RUNDC1: variants seen among roughly 807,000 people sequenced by gnomAD.
RUNDC1 encodes RUN domain-containing protein 1.
A neutral mutation model predicts 49.3 loss-of-function variants in RUNDC1; 31 were observed. The ratio of observed to expected loss-of-function variants is 0.63; its 90% CI spans 0.47 to 0.85. The LOEUF is 0.85. RUNDC1 is among the 40% of genes least tolerant of loss of function. RUNDC1 has a pLI of 0.00. For missense variants in RUNDC1, 715 were observed against 806.7 expected, an observed-to-expected ratio of 0.89 and a Z score of 1.38; for synonymous variants, 347 against 348.6, an observed-to-expected ratio of 1.00 and a Z score of 0.05.
intron 4 of RUNDC1, 68 bp from the exon 5 acceptor site, chr17:42,990,783 T>C: frequency 6.6e-7 from 1 of 1,504,566 alleles, no homozygotes; most frequent in Non-Finnish European, 8.9e-7. Flanking sequence ...TCTCAGCCTG[T>C]GATTTGTTGA....
chr17:42,990,494 G>A (rs2050224526), intron 4 of RUNDC1, 58 bp downstream of exon 4: 1 of 1,571,152 alleles, frequency 6.4e-7, no homozygotes, highest in Non-Finnish European at 8.7e-7. Context: ...ATGAGTGGTT[G>A]CCTAGGGCTT....
At chr17:42,989,689 C>A in intron 3 of RUNDC1, 150 bp downstream of exon 3, 1 of 739,628 alleles carries the variant, frequency 1.4e-6, no homozygotes, top group Non-Finnish European at 2.2e-6. Flanking sequence ...GGCTGGAGTG[C>A]AGTGGCACAA....
At chr17:42,983,267 G>T (rs934082294) in intron 1 of RUNDC1, among the ~76,000 whole-genome samples, 1 of 146,066 alleles carries the variant, frequency 6.8e-6, no homozygotes, top group African/African-American at 2.5e-5. Flanking sequence ...TTGTAATCTT[G>T]TATTTATACA....
chr17:42,989,849 G>A (rs1263036621), intron 3 of RUNDC1, among the ~76,000 whole-genome samples: 2 of 152,006 alleles, frequency 1.3e-5, no homozygotes, highest in Non-Finnish European at 2.9e-5. Flanking sequence ...TGGCCAGGCT[G>A]GTCTCGTACT....
In RUNDC1 at chr17:42,980,613, G is replaced by A. The variant is rs754479522; in HGVS notation, c.37G>A (p.Val13Met). 149 of 1,609,390 alleles carry A rather than the reference G, an allele frequency of 9.3e-5. 5 individuals are homozygous for A. The South Asian group carries it at 1.2e-3, about 13-fold the overall frequency. Residue 13 changes from valine (V) to methionine (M), a missense_variant, in exon 1 of 5, where the codon GTG (valine) becomes ATG (methionine). This residue lies in a region of RUNDC1 where 153 missense variants were observed against 139.4 expected (regional missense o/e 1.10). Transcript: ENST00000361677. ...AVEAAAEPVT[V>M]VAAVGPKAKD... is the part of the protein sequence containing the mutation. ...CGAAGCGGCTGCAGAGCCGGTAACG[G>A]TGGTGGCGGCTGTTGGGCCAAAGGC...
rs542521733 is a variant in RUNDC1 at position 42,991,752 on chromosome 17, A to G, written c.*36A>G. ...CTAACCCCAGACAAGCTCCTTGTTC[A>G]GTAGGGATAGATGTGCTAGTCTTCT... is the stretch of plus-strand genomic sequence containing the variant. On this transcript the variant is annotated 3_prime_UTR_variant, in exon 5 of 5. Coordinates refer to ENST00000361677, the MANE Select transcript of RUNDC1 (RefSeq NM_173079.5). 1.9e-6 allele frequency: 3 copies of G among 1,577,180 alleles called. No individual in the cohort carries two copies. Among genetic ancestry groups the G allele is most frequent in the Admixed American group, 1.7e-5 (1 of 57,688 alleles).
Position 42,992,041 on chromosome 17 carries a change from C to A in RUNDC1, c.*325C>A. On this transcript the variant is annotated 3_prime_UTR_variant, in exon 5 of 5. Coordinates refer to ENST00000361677, the MANE Select transcript of RUNDC1 (RefSeq NM_173079.5). ...CATCCTGTCTAACACGGTGAAACCC[C>A]ATCTCTACTAAAAATACAAAAAAAT... 4.2e-6 allele frequency: 1 copy of A among 236,216 alleles called. No individual in the cohort carries two copies. The highest frequency in any genetic ancestry group is 8.4e-6 in the Non-Finnish European group (1 of 118,998). The allele number at this position is 236,216 out of a possible 1,614,324, so 14.6% of individuals were successfully genotyped here.
In RUNDC1 at chr17:42,991,078, C is replaced by T; in HGVS notation, c.1204C>T (p.His402Tyr). The T allele has an allele frequency of 1.9e-6, 3 of 1,614,162 alleles. No individual in the cohort carries two copies. The highest frequency in any genetic ancestry group is 2.2e-5 in the South Asian group (2 of 91,084). The change falls in exon 5 of 5, where the codon CAT becomes TAT. Residue 402 changes from histidine (H) to tyrosine (Y), a missense_variant. Coordinates refer to ENST00000361677, the MANE Select transcript of RUNDC1 (RefSeq NM_173079.5). Reference protein sequence around the residue: ...VKQLALRQQPHDHVITSANLQ... With the variant: ...VKQLALRQQPYDHVITSANLQ... ...GCAGCTAGCCTTGAGGCAGCAGCCA[C>T]ATGACCATGTCATCACCTCTGCCAA...
At position 42,980,763 on chromosome 17, in the gene RUNDC1, G is replaced by T; in HGVS notation, c.187G>T (p.Glu63Ter). The change falls in exon 1 of 5, where the codon GAG becomes TAG. Residue 63 changes from glutamate to a stop codon, truncating the protein, a stop_gained. Transcript: ENST00000361677. LOFTEE classifies it high-confidence loss of function. ...CGCGTTTTTAGAAGAGGCGACGGCC[G>T]AGGAGCCTGGCGCGGCCCCGGGCTC... The part of the protein sequence containing the change: ...ATAFLEEATA[E>*]EPGAAPGSPP... The T allele has an allele frequency of 6.7e-7, 1 of 1,499,534 alleles. No individual in the cohort carries two copies. The allele number at this position is 1,499,534 out of a possible 1,614,324, so 92.9% of individuals were successfully genotyped here. A position where few individuals can be genotyped will look rare whatever the true frequency, so the allele number is the denominator to read the frequency against.
In RUNDC1 at chr17:42,982,624, C is replaced by A. The variant is rs146612212; in HGVS notation, c.498+1550C>A. On this transcript the variant is annotated intron_variant, in intron 1 of 4. Coordinates refer to ENST00000361677, the MANE Select transcript of RUNDC1 (RefSeq NM_173079.5). ...TGATGTGATTATGACACATTGCATG[C>A]CTGTAGCAACATTTCATGTACCCCA... Among the ~76,000 whole-genome samples the A allele has an allele frequency of 4.7e-4, 72 of 152,224 alleles. No individual in the cohort carries two copies. In the East Asian group the frequency reaches 0.013, roughly 28 times the overall value.
intron 4 of RUNDC1, 153 bp from the exon 5 acceptor site, chr17:42,990,698 C>A: frequency 2.4e-6 from 1 of 412,290 alleles, no homozygotes; most frequent in Non-Finnish European, 3.3e-6. Flanking sequence ...CTATTATTAA[C>A]CAGAAAAAGG....
rs1236147947 is a variant in RUNDC1 at position 42,980,818 on chromosome 17, G to T, written c.242G>T (p.Arg81Leu). The change falls in exon 1 of 5, where the codon CGG (arginine) becomes CTG (leucine). Residue 81 changes from arginine (R) to leucine (L), a missense_variant. Arg to Leu is a moderately radical substitution (Grantham distance 102). Coordinates refer to ENST00000361677, the MANE Select transcript of RUNDC1 (RefSeq NM_173079.5). Reference sequence around the variant, plus strand: ...CCGGATTCGCCGGGCCGGACGCTGCGGCGGCTGCGGGCAGAGCGGCGGCGG... The same window carrying T: ...CCGGATTCGCCGGGCCGGACGCTGCTGCGGCTGCGGGCAGAGCGGCGGCGG... ...SPPDSPGRTLRRLRAERRRLD... is the reference protein window; with the variant it reads ...SPPDSPGRTLLRLRAERRRLD... 1.5e-6 allele frequency: 2 copies of T among 1,369,126 alleles called. No individual in the cohort carries two copies. The highest frequency in any genetic ancestry group is 1.9e-6 in the Non-Finnish European group (2 of 1,072,354). The allele number at this position is 1,369,126 out of a possible 1,614,324, so 84.8% of individuals were successfully genotyped here.
In RUNDC1 at chr17:42,980,909, G is replaced by C. The variant is rs1345554458; in HGVS notation, c.333G>C (p.Val111=). The change falls in exon 1 of 5, where the codon GTG becomes GTC. Residue 111 remains valine (V), a synonymous_variant. Transcript: ENST00000361677. Reference sequence around the variant, plus strand: ...AGGTGCAGTTCCGCCTGCGCCAGGTGGTGCGCGGGGCGCCGGCGGAGCAGC... The same window carrying C: ...AGGTGCAGTTCCGCCTGCGCCAGGTCGTGCGCGGGGCGCCGGCGGAGCAGC... ...FAQVQFRLRQ[V]VRGAPAEQQR... 2 of 1,529,936 alleles carry C rather than the reference G, an allele frequency of 1.3e-6. No homozygotes were observed. Among genetic ancestry groups the C allele is most frequent in the Admixed American group, 3.9e-5 (2 of 50,876 alleles). 94.8% of individuals were successfully genotyped at this position (1,529,936 alleles called of 1,614,324 possible). A position where few individuals can be genotyped will look rare whatever the true frequency, so the allele number is the denominator to read the frequency against.
At position 42,981,070 on chromosome 17, in the gene RUNDC1, AC is replaced by A; in HGVS notation, c.496del (p.Gln166ArgfsTer20). On this transcript the variant is annotated frameshift_variant, in exon 1 of 5. Transcript: ENST00000361677. LOFTEE classifies it high-confidence loss of function. ...GACCGGCCATGGTTGCGGGGCGAGG[AC>A]CAGGTGAGTGGCTGGAGCCGGGCCG... ...PGDRPWLRGE[D>X]QSEQEKQERL... 6.4e-7 allele frequency: 1 copy of A among 1,564,816 alleles called. No individual in the cohort carries two copies. The highest frequency in any genetic ancestry group is 8.6e-7 in the Non-Finnish European group (1 of 1,163,396).
At position 42,983,358 on chromosome 17, in the gene RUNDC1, C is replaced by G. The variant is rs577797381; in HGVS notation, c.498+2284C>G. Among the ~76,000 whole-genome samples, 4 of 145,242 alleles carry G rather than the reference C, an allele frequency of 2.8e-5. No homozygotes were observed. In the South Asian group the frequency reaches 8.7e-4, roughly 32 times the overall value. On this transcript the variant is annotated intron_variant, in intron 1 of 4. Transcript: ENST00000361677. ...GAATGATTTACTTCTTACCACTTAC[C>G]TTTTTTTTTCTTTTTCCTTTTTTTT...
rs1403317659 is a variant in RUNDC1 at position 42,980,612 on chromosome 17, G to C, written c.36G>C (p.Thr12=). ...TCGAAGCGGCTGCAGAGCCGGTAAC[G>C]GTGGTGGCGGCTGTTGGGCCAAAGG... The part of the protein sequence containing the change: ...AAVEAAAEPV[T]VVAAVGPKAK... Residue 12 remains threonine, a synonymous_variant, in exon 1 of 5, where the codon ACG becomes ACC. Transcript: ENST00000361677. The C allele has an allele frequency of 6.2e-7, 1 of 1,609,192 alleles. No homozygotes were observed.
At chr17:42,985,766 A>G (rs1209643309) in intron 1 of RUNDC1, 14 of 785,544 alleles carry the variant, frequency 1.8e-5, no homozygotes, top group Non-Finnish European at 2.2e-5. Context: ...TTGAGACTCA[A>G]GAAAGACAAG....
rs200042329 is a variant in RUNDC1, at chr17:42,991,273, C to T, written c.1399C>T (p.Pro467Ser). Residue 467 changes from proline to serine, a missense_variant, in exon 5 of 5, where the codon CCA (proline) becomes TCA (serine). By Grantham distance (74) the Pro-to-Ser change is moderately conservative. Coordinates refer to ENST00000361677, the MANE Select transcript of RUNDC1 (RefSeq NM_173079.5). Reference protein sequence around the residue: ...ACLLPAFSSAPEAMHPWELFV... With the variant: ...ACLLPAFSSASEAMHPWELFV... ...TTTGCTGCCAGCCTTCTCCTCGGCC[C>T]CAGAGGCCATGCACCCGTGGGAGCT... is the stretch of plus-strand genomic sequence containing the variant. 5 of 1,614,212 alleles carry T rather than the reference C, an allele frequency of 3.1e-6. No homozygotes were observed. Among genetic ancestry groups the T allele is most frequent in the Non-Finnish European group, 4.2e-6 (5 of 1,180,042 alleles).
chr17:42,984,145 T>C (rs1360548243), intron 1 of RUNDC1, among the ~76,000 whole-genome samples: 1 of 151,750 alleles, frequency 6.6e-6, no homozygotes, highest in Non-Finnish European at 1.5e-5. Context: ...AATTAAAAAA[T>C]ATATTTTTTC....
Sources: allele counts gnomAD v4.1 joint callset (sites outside exome capture counted in the v4.1 genomes callset), GRCh38; gene constraint gnomAD v4.1.1; regional missense constraint gnomAD v4.1.1; transcripts MANE v1.5; gene names NCBI Gene and HGNC (gene_info 2026-07-23, HGNC 2026-07-21).